Variants in UBE2D2 observed in about 807,000 individuals in gnomAD.
The protein encoded by UBE2D2 is ubiquitin-conjugating enzyme E2 D2.
In UBE2D2, 2 loss-of-function variants were observed where a neutral mutation model predicts 24.2. The ratio of observed to expected loss-of-function variants is 0.08; its 90% CI spans 0.03 to 0.26. UBE2D2 has a LOEUF of 0.26. UBE2D2 is among the 10% of genes least tolerant of loss of function. UBE2D2 has a pLI of 1.00. For missense variants in UBE2D2, 44 were observed against 177.6 expected (o/e 0.25, Z 4.28); for synonymous variants, 58 against 56.5 (o/e 1.03, Z -0.12).
intron 1 of UBE2D2, among the ~76,000 whole-genome samples, chr5:139,582,114 G>T (rs888877655): frequency 6.6e-5 from 10 of 151,702 alleles, no homozygotes; most frequent in African/African-American, 2.4e-4. Context: ...AGGACTGTAG[G>T]CACTGTGGTG....
At position 139,546,809 on chromosome 5, in the gene UBE2D2, TC is replaced by T. The variant is rs1561498146; in HGVS notation, c.-64+20198del. Among the ~76,000 whole-genome samples, 37 of 129,164 alleles carry T rather than the reference TC, an allele frequency of 2.9e-4. No homozygotes were observed. In the Middle Eastern group the frequency reaches 0.012, roughly 40 times the overall value. The allele number at this position is 129,164 out of a possible 152,430, so 84.7% of individuals were successfully genotyped here. A position where few individuals can be genotyped will look rare whatever the true frequency, so the allele number is the denominator to read the frequency against. ...CCTTAAATTTTCTTTCTTTCTTTCTTCTTTCTTTCTTCCTTCCTTCCTTCCT... is the reference window on the plus strand; with the variant it reads ...CCTTAAATTTTCTTTCTTTCTTTCTTTTTCTTTCTTCCTTCCTTCCTTCCT... On this transcript the variant is annotated intron_variant, in intron 1 of 6. Coordinates refer to the UBE2D2 transcript ENST00000511725.
chr5:139,590,434 CA>C (rs1398882852), intron 1 of UBE2D2, among the ~76,000 whole-genome samples: 4 of 132,442 alleles, frequency 3.0e-5, no homozygotes, highest in Non-Finnish European at 6.3e-5. Flanking sequence ...GACTCTGTCT[CA>C]AAAAAAATAA....
chr5:139,571,303 AG>A (rs1335172281), intron 1 of UBE2D2, among the ~76,000 whole-genome samples: 1 of 150,844 alleles, frequency 6.6e-6, no homozygotes, highest in Non-Finnish European at 1.5e-5. Flanking sequence ...GCTACTTGGG[AG>A]GCTGAGGCAG....
chr5:139,535,331 C>G (rs1426774798), intron 1 of UBE2D2, among the ~76,000 whole-genome samples: 7 of 151,202 alleles, frequency 4.6e-5, no homozygotes, highest in South Asian at 2.1e-4. Flanking sequence ...TGGCGGGCAC[C>G]TGTAGTCCCA....
rs190217657 is a variant in UBE2D2, at chr5:139,547,717, C to T, written c.-64+21105C>T. Among the ~76,000 whole-genome samples, 188 of 151,108 alleles carry T rather than the reference C, an allele frequency of 1.2e-3. 1 individual carries two copies. Among genetic ancestry groups the T allele is most frequent in the African/African-American group, 4.2e-3 (172 of 41,244 alleles). ...ATTTATTTTTTTATTTTTTTTGAGA[C>T]GGAGTCTCGCTCTGTTGCCCAGGCT... On this transcript the variant is annotated intron_variant, in intron 1 of 6. Coordinates refer to the UBE2D2 transcript ENST00000511725.
chr5:139,540,857 G>T lies in UBE2D2; in HGVS notation c.-64+14245G>T, dbSNP rs144809173. Among the ~76,000 whole-genome samples, 702 of 151,380 alleles carry T rather than the reference G, an allele frequency of 4.6e-3. 4 individuals carry two copies. The highest frequency in any genetic ancestry group is 0.016 in the African/African-American group (656 of 41,274). ...AATACAAAAAAAATTTGCTGGGCATGGTGGCAGGCACCTGTAGTCCCAGCT... is the reference window on the plus strand; with the variant it reads ...AATACAAAAAAAATTTGCTGGGCATTGTGGCAGGCACCTGTAGTCCCAGCT... On this transcript the variant is annotated intron_variant, in intron 1 of 6. Coordinates refer to the UBE2D2 transcript ENST00000511725.
At position 139,626,838 on chromosome 5, in the gene UBE2D2, TA is replaced by T. The variant is rs774461241; in HGVS notation, c.*38del. ...ATTGGATAACCTCTACAAATAAAGATAGGGGAACTCTGAAAGAGAAAGTCCT... is the reference window on the plus strand; with the variant it reads ...ATTGGATAACCTCTACAAATAAAGATGGGGAACTCTGAAAGAGAAAGTCCT... On this transcript the variant is annotated 3_prime_UTR_variant, in exon 7 of 7. Coordinates refer to ENST00000398733, the MANE Select transcript of UBE2D2 (RefSeq NM_003339.3). The T allele has an allele frequency of 2.6e-6, 4 of 1,566,450 alleles. No homozygotes were observed. Among genetic ancestry groups the T allele is most frequent in the Non-Finnish European group, 3.5e-6 (4 of 1,141,910 alleles).
chr5:139,566,781 A>G lies in UBE2D2; in HGVS notation c.24+4966A>G, dbSNP rs185904797. On this transcript the variant is annotated intron_variant, in intron 1 of 6. Coordinates refer to ENST00000398733, the MANE Select transcript of UBE2D2 (RefSeq NM_003339.3). ...GAGGGAGCTAGAAAATGCATGTGCT[A>G]TCAGATGAGGGCAACTGCTAACCAG... Among the ~76,000 whole-genome samples, 339 of 152,298 alleles carry G rather than the reference A, an allele frequency of 2.2e-3. 2 individuals carry two copies. Among genetic ancestry groups the G allele is most frequent in the African/African-American group, 7.7e-3 (320 of 41,568 alleles).
chr5:139,570,409 C>T (rs980481763), intron 1 of UBE2D2, among the ~76,000 whole-genome samples: 6 of 152,166 alleles, frequency 3.9e-5, no homozygotes, highest in African/African-American at 1.2e-4. Context: ...TGTGCAATCT[C>T]GGCTCACCGC....
At chr5:139,597,118 T>C (rs1438777312) in intron 1 of UBE2D2, among the ~76,000 whole-genome samples, 11 of 152,164 alleles carry the variant, frequency 7.2e-5, no homozygotes, top group Non-Finnish European at 1.5e-4. Flanking sequence ...TAGTGTACAA[T>C]TTGAGTTTTG....
At chr5:139,530,419 A>G (rs1489235993) in intron 1 of UBE2D2, among the ~76,000 whole-genome samples, 1 of 152,236 alleles carries the variant, frequency 6.6e-6, no homozygotes, top group African/African-American at 2.4e-5. Flanking sequence ...ATAAGTGATT[A>G]GAAAAATAAT....
At chr5:139,600,701 C>T (rs533490918) in intron 2 of UBE2D2, among the ~76,000 whole-genome samples, 16 of 152,290 alleles carry the variant, frequency 1.1e-4, no homozygotes, top group African/African-American at 3.6e-4. Context: ...TAAGCTTTTA[C>T]CTACAACTAG....
intron 1 of UBE2D2, among the ~76,000 whole-genome samples, chr5:139,588,611 A>G (rs1262416843): frequency 2.0e-5 from 3 of 152,214 alleles, no homozygotes; most frequent in African/African-American, 7.2e-5. Context: ...TTTATATAAC[A>G]TATCATTAAA....
intron 1 of UBE2D2, among the ~76,000 whole-genome samples, chr5:139,531,206 G>C (rs11742774): frequency 0.1 from 15,297 of 152,230 alleles, 780 homozygotes; most frequent in South Asian, 0.13. Flanking sequence ...AGGCCTGAAA[G>C]CAGGCCTGGG....
chr5:139,600,473 C>G (rs1463975722), intron 2 of UBE2D2, 38 bp downstream of exon 2: 16 of 1,601,984 alleles, frequency 1.0e-5, no homozygotes, highest in Non-Finnish European at 1.4e-5. Flanking sequence ...AATAGCATAA[C>G]AGTGGTTATT....
chr5:139,564,394 TCCA>T (rs1250656310), intron 1 of UBE2D2, among the ~76,000 whole-genome samples: 1 of 151,778 alleles, frequency 6.6e-6, no homozygotes, highest in African/African-American at 2.4e-5. Context: ...CCTCCGGTGA[TCCA>T]CCTGCCTCAG....
intron 2 of UBE2D2, among the ~76,000 whole-genome samples, chr5:139,607,348 T>C (rs2126693705): frequency 6.6e-6 from 1 of 152,348 alleles, no homozygotes; most frequent in East Asian, 1.9e-4. Flanking sequence ...TTTTAGTTTC[T>C]CTTTCTCTGC....
At chr5:139,527,345 G>A (rs1178813190) in intron 1 of UBE2D2, among the ~76,000 whole-genome samples, 2 of 152,132 alleles carry the variant, frequency 1.3e-5, no homozygotes, top group African/African-American at 4.8e-5. Context: ...CAGAGGCAAG[G>A]AAAGACCAGC....
chr5:139,600,702 C>G (rs879733969), intron 2 of UBE2D2, among the ~76,000 whole-genome samples: 9 of 152,164 alleles, frequency 5.9e-5, no homozygotes, highest in Admixed American at 4.6e-4. Context: ...AAGCTTTTAC[C>G]TACAACTAGC....
Sources: allele counts gnomAD v4.1 joint callset (sites outside exome capture counted in the v4.1 genomes callset), GRCh38; gene constraint gnomAD v4.1.1; transcripts MANE v1.5; gene names NCBI Gene and HGNC (gene_info 2026-07-23, HGNC 2026-07-21).